LRP1B: variants seen among roughly 807,000 people sequenced by gnomAD.
LRP1B encodes low-density lipoprotein receptor-related protein 1B.
LRP1B carries 217 observed loss-of-function variants against 556.6 expected under a neutral mutation model. That is an observed-to-expected ratio of 0.39 (90% confidence interval 0.35 to 0.44). The LOEUF is 0.44. Ranked by LOEUF, LRP1B falls within the 20% of genes least tolerant of loss-of-function variation. The pLI, the probability that LRP1B is intolerant of heterozygous loss-of-function variation, is 1.00. For synonymous variants in LRP1B, 2,047 were observed against 1,865.8 expected (o/e 1.10, Z -2.50); for missense variants, 5,053 against 5,620.8 (o/e 0.90, Z 3.23).
chr2:141,644,926 C>T (rs1689496851), intron 2 of LRP1B, among the ~76,000 whole-genome samples: 2 of 152,006 alleles, frequency 1.3e-5, no homozygotes, highest in African/African-American at 2.4e-5. Flanking sequence ...TAACAAAGTG[C>T]AGAACCTTGG....
At chr2:141,586,858 C>T (rs575786017) in intron 2 of LRP1B, among the ~76,000 whole-genome samples, 4 of 150,182 alleles carry the variant, frequency 2.7e-5, no homozygotes, top group Non-Finnish European at 4.4e-5. Context: ...AGGAGAATGG[C>T]GTGAACTCGG....
At chr2:140,517,274 T>C (rs1356986328) in intron 49 of LRP1B, among the ~76,000 whole-genome samples, 1 of 152,108 alleles carries the variant, frequency 6.6e-6, no homozygotes, top group East Asian at 1.9e-4. Context: ...TAATGTAAAA[T>C]TGGTTTAAAT....
intron 63 of LRP1B, among the ~76,000 whole-genome samples, chr2:140,448,855 T>C (rs142502256): frequency 0.016 from 2,390 of 152,196 alleles, 63 homozygotes; most frequent in African/African-American, 0.054. Flanking sequence ...TAACATCATG[T>C]TGCATACCTT....
chr2:140,280,541 G>A (rs975206534), intron 84 of LRP1B, among the ~76,000 whole-genome samples: 3 of 151,736 alleles, frequency 2.0e-5, no homozygotes, highest in Non-Finnish European at 4.4e-5. Flanking sequence ...CTGTGGACAT[G>A]TATGTGCCTT....
chr2:141,611,894 G>A (rs1688120435), intron 2 of LRP1B, among the ~76,000 whole-genome samples: 1 of 152,160 alleles, frequency 6.6e-6, no homozygotes, highest in Non-Finnish European at 1.5e-5. Flanking sequence ...GATTTAATGG[G>A]AATTTCTTCA....
chr2:140,521,087 TGA>T (rs1200158677), intron 49 of LRP1B, among the ~76,000 whole-genome samples: 1 of 151,934 alleles, frequency 6.6e-6, no homozygotes, highest in Non-Finnish European at 1.5e-5. Flanking sequence ...TTGAGATTCA[TGA>T]GAGAGAAGAG....
chr2:141,020,100 G>T lies in LRP1B; in HGVS notation c.1792C>A (p.Leu598Met), dbSNP rs369244130. 1.8e-5 allele frequency: 27 copies of T among 1,504,042 alleles called. No homozygotes were observed. Among genetic ancestry groups the T allele is most frequent in the Non-Finnish European group, 2.4e-5 (27 of 1,122,172 alleles). 93.2% of individuals were successfully genotyped at this position (1,504,042 alleles called of 1,614,324 possible). ...ACAGCAATGCCCTCTACATTATCCA[G>T]ATCTATAAAAAAAGCAAAAACAAGA... The part of the protein sequence containing the change: ...TERETILKDD[L>M]DNVEGIAVDW... Residue 598 changes from leucine (L) to methionine (M), a missense_variant and splice_region_variant, in exon 12 of 91, where the codon CTG becomes ATG. By Grantham distance (15) the Leu-to-Met change is conservative. Transcript: ENST00000389484.
intron 2 of LRP1B, among the ~76,000 whole-genome samples, chr2:141,544,387 C>CTTCTTCTTCTTCTTCTTCTTCTTCTT (rs1559131587): frequency 2.2e-5 from 1 of 44,530 alleles, no homozygotes; most frequent in Non-Finnish European, 4.5e-5. Flanking sequence ...TTCTTCTCCT[C>CTTCTTCTTCTTCTTCTTCTTCTTCTT]CTCCTCCTCC....
Position 140,722,314 on chromosome 2 carries a change from G to A in LRP1B, c.5759-5498C>T, listed in dbSNP as rs572518073. 7.2e-5 allele frequency among the ~76,000 whole-genome samples: 11 copies of A among 152,254 alleles called. No individual in the cohort carries two copies. The South Asian group carries it at 2.1e-3, about 29-fold the overall frequency. ...ATTCTTTATTTTCCATGTCTTAGAA[G>A]AGACATACACTATCATTTCTACTGG... On this transcript the variant is annotated intron_variant, in intron 35 of 90. Transcript: ENST00000389484.
At chr2:141,249,438 A>C (rs1684183899) in intron 4 of LRP1B, among the ~76,000 whole-genome samples, 1 of 152,084 alleles carries the variant, frequency 6.6e-6, no homozygotes, top group Non-Finnish European at 1.5e-5. Flanking sequence ...CTCCACTAAA[A>C]ATACAAAAAT....
intron 1 of LRP1B, among the ~76,000 whole-genome samples, chr2:141,850,294 A>T (rs1298732828): frequency 6.6e-6 from 1 of 151,670 alleles, no homozygotes; most frequent in Non-Finnish European, 1.5e-5. Flanking sequence ...AAACAATCTG[A>T]TTAGATCCTG....
At chr2:141,518,516 T>A (rs1684407646) in intron 2 of LRP1B, among the ~76,000 whole-genome samples, 1 of 152,220 alleles carries the variant, frequency 6.6e-6, no homozygotes, top group Non-Finnish European at 1.5e-5. Flanking sequence ...AATGTGTTGC[T>A]ACAGAGAACT....
rs749036488 is a variant in LRP1B at position 140,603,717 on chromosome 2, TTTTAC to T, written c.6800-2083_6800-2079del. ...CATCTCAATATCCACATATAATCTG[TTTTAC>T]TTTATTTTTGTAATAGATGATAAAC... On this transcript the variant is annotated intron_variant, in intron 41 of 90. Transcript: ENST00000389484. Among the ~76,000 whole-genome samples the T allele has an allele frequency of 1.2e-4, 19 of 152,248 alleles. No homozygotes were observed. In the South Asian group the frequency reaches 3.7e-3, roughly 30 times the overall value.
chr2:140,661,710 A>G (rs771706305), intron 41 of LRP1B, among the ~76,000 whole-genome samples: 1 of 152,136 alleles, frequency 6.6e-6, no homozygotes, highest in African/African-American at 2.4e-5. Flanking sequence ...CCCATGAGTG[A>G]GCAATGTAGA....
At chr2:140,291,316 A>ATTTTTTTTTT (rs946522615) in intron 84 of LRP1B, among the ~76,000 whole-genome samples, 1 of 68,752 alleles carries the variant, frequency 1.5e-5, no homozygotes, top group Non-Finnish European at 3.0e-5. Flanking sequence ...ATATATATAT[A>ATTTTTTTTTT]TATTTTTATT....
Position 140,702,564 on chromosome 2 carries a change from ATTG to A in LRP1B, c.6024-14_6024-12del. 2 of 1,611,806 alleles carry A rather than the reference ATTG, an allele frequency of 1.2e-6. No individual in the cohort carries two copies. The highest frequency in any genetic ancestry group is 2.2e-5 in the East Asian group (1 of 44,848). On this transcript the variant is annotated splice_polypyrimidine_tract_variant and intron_variant, in intron 37 of 90. Coordinates refer to ENST00000389484, the MANE Select transcript of LRP1B (RefSeq NM_018557.3). ...GTCCAGAACAAGAGGCTGAAATTAA[ATTG>A]TTAATTTGTAGTGTTTATGTACATT...
intron 85 of LRP1B, among the ~76,000 whole-genome samples, chr2:140,273,731 G>A (rs1682559684): frequency 6.6e-6 from 1 of 151,918 alleles, no homozygotes; most frequent in Admixed American, 6.6e-5. Flanking sequence ...TATTAAAAGA[G>A]GTCTGGAGTG....
At chr2:140,437,948 T>C (rs773762715) in intron 66 of LRP1B, among the ~76,000 whole-genome samples, 5 of 152,182 alleles carry the variant, frequency 3.3e-5, no homozygotes, top group Non-Finnish European at 7.4e-5. Context: ...TATAACATGA[T>C]ACTTGTTATA....
chr2:141,196,661 T>C (rs558217438), intron 6 of LRP1B, among the ~76,000 whole-genome samples: 54 of 152,254 alleles, frequency 3.5e-4, no homozygotes, highest in African/African-American at 1.3e-3. Flanking sequence ...ATTGCATAAT[T>C]CTACAAAAGA....
Sources: gnomAD v4.1 joint callset for allele counts (sites outside exome capture counted in the v4.1 genomes callset) on GRCh38, gnomAD v4.1.1 for gene constraint, MANE v1.5 for transcripts, NCBI Gene and HGNC (gene_info 2026-07-23, HGNC 2026-07-21) for gene names.